Variants in CELSR1 observed in about 807,000 individuals in gnomAD.
The protein encoded by CELSR1 is cadherin EGF LAG seven-pass G-type receptor 1, also known as adhesion G protein-coupled receptor C1.
CELSR1 carries 110 observed loss-of-function variants against 249.1 expected under a neutral mutation model. The ratio of observed to expected loss-of-function variants is 0.44; its 90% CI spans 0.38 to 0.52. The LOEUF (loss-of-function observed/expected upper bound fraction) is 0.52. Ranked by LOEUF, CELSR1 falls within the 20% of genes least tolerant of loss-of-function variation. The pLI is 0.00. For synonymous variants in CELSR1, 2,113 were observed against 1,900.0 expected (o/e 1.11, Z -2.92); for missense variants, 4,109 against 4,296.4 (o/e 0.96, Z 1.22).
At chr22:46,369,664 C>G (rs537961722) in intron 26 of CELSR1, 28 bp downstream of exon 26, 5 of 1,598,596 alleles carry the variant, frequency 3.1e-6, no homozygotes, top group Non-Finnish European at 4.3e-6. Flanking sequence ...TTGGGGCACC[C>G]GGACTCCCGT....
intron 1 of CELSR1, among the ~76,000 whole-genome samples, chr22:46,469,350 G>A (rs771430770): frequency 2.0e-5 from 3 of 152,090 alleles, no homozygotes; most frequent in African/African-American, 4.8e-5. Flanking sequence ...GGGCCTTTGC[G>A]CATCTCCTGG....
Position 46,464,877 on chromosome 22 carries a change from C to A in CELSR1, c.3545-532G>T, listed in dbSNP as rs969236302. ...CCTGGCAAGCCCGCCCTGGTCCTGCCCAGGCGACATCCCCACCGACGTGCT... is the reference window on the plus strand; with the variant it reads ...CCTGGCAAGCCCGCCCTGGTCCTGCACAGGCGACATCCCCACCGACGTGCT... On this transcript the variant is annotated intron_variant, in intron 1 of 34. Transcript: ENST00000674500. This position sits in a 1 kb window ranked among gnomAD's most constrained non-coding sequence, Gnocchi z 8.5. Among the ~76,000 whole-genome samples, 3 of 152,130 alleles carry A rather than the reference C, an allele frequency of 2.0e-5. No homozygotes were observed. The highest frequency in any genetic ancestry group is 7.2e-5 in the African/African-American group (3 of 41,426).
rs35664137 is a variant in CELSR1, at chr22:46,400,951, C to CAAAA, written c.5227-1053_5227-1050dup. Among the ~76,000 whole-genome samples the CAAAA allele has an allele frequency of 5.3e-4, 74 of 138,600 alleles. 1 individual carries two copies. The highest frequency in any genetic ancestry group is 1.2e-3 in the African/African-American group (47 of 38,192). The allele number at this position is 138,600 out of a possible 152,430, so 90.9% of individuals were successfully genotyped here. On this transcript the variant is annotated intron_variant, in intron 9 of 34. Coordinates refer to ENST00000674500, the MANE Select transcript of CELSR1 (RefSeq NM_001378328.1). Reference sequence around the variant, plus strand: ...TGGGTGACAGAGTGAGAACCTGTCTCAAAAAAAAAAAAAGTATAGGCAAAG... The same window carrying CAAAA: ...TGGGTGACAGAGTGAGAACCTGTCTCAAAAAAAAAAAAAAAAAGTATAGGCAAAG...
intron 1 of CELSR1, among the ~76,000 whole-genome samples, chr22:46,508,249 C>T (rs916274669): frequency 2.6e-5 from 4 of 151,882 alleles, no homozygotes; most frequent in African/African-American, 9.7e-5. Context: ...CGCCAACTGG[C>T]CCCCGCGGGA....
rs546752270 is a variant in CELSR1 at position 46,456,641 on chromosome 22, C to A, written c.4183+7066G>T. ...TTGTGCCGCTGCACTTCAGCCTGGG[C>A]GACAGAGCGAGACTCTGTCTAAAAA... On this transcript the variant is annotated intron_variant, in intron 2 of 34. Transcript: ENST00000674500. 7.5e-4 allele frequency among the ~76,000 whole-genome samples: 85 copies of A among 113,554 alleles called. 2 individuals are homozygous for A. In the East Asian group the frequency reaches 0.022, roughly 29 times the overall value. The allele number at this position is 113,554 out of a possible 152,430, so 74.5% of individuals were successfully genotyped here.
At chr22:46,387,050 G>C (rs543630740) in intron 18 of CELSR1, among the ~76,000 whole-genome samples, 10 of 152,162 alleles carry the variant, frequency 6.6e-5, no homozygotes, top group African/African-American at 2.2e-4. Flanking sequence ...GAGCCACCAC[G>C]CCTGGCCTAG....
chr22:46,378,643 TGGCA>T lies in CELSR1; in HGVS notation c.7327_7330del (p.Cys2443SerfsTer25). ...CGCAAAGCTGGCTGTGTGGCTGCAC[TGGCA>T]GGCGACATGTGTCCGGTTCCTGGAC... On this transcript the variant is annotated frameshift_variant, in exon 23 of 35. Coordinates refer to ENST00000674500, the MANE Select transcript of CELSR1 (RefSeq NM_001378328.1). LOFTEE classifies it high-confidence loss of function. 6.2e-7 allele frequency: 1 copy of T among 1,606,250 alleles called. No individual in the cohort carries two copies. The highest frequency in any genetic ancestry group is 2.2e-5 in the East Asian group (1 of 44,642).
rs944545245 is a variant in CELSR1, at chr22:46,529,125, G to A, written c.3544+4502C>T. 7.3e-5 allele frequency among the ~76,000 whole-genome samples: 11 copies of A among 151,498 alleles called. No homozygotes were observed. The Middle Eastern group carries it at 0.01, about 141-fold the overall frequency. On this transcript the variant is annotated intron_variant, in intron 1 of 34. Transcript: ENST00000674500. The stretch of plus-strand genomic sequence containing the variant: ...CTAAAAATACAAAAAAATTAGCTGG[G>A]TGTGGTGGCGGGTACCTGTAGTCCC...
rs960931110 is a variant in CELSR1 at position 46,437,608 on chromosome 22, G to A, written c.4407-1319C>T. Among the ~76,000 whole-genome samples, 8 of 152,158 alleles carry A rather than the reference G, an allele frequency of 5.3e-5. No individual in the cohort carries two copies. The highest frequency in any genetic ancestry group is 6.8e-3 in the Middle Eastern group (2 of 294). Reference sequence around the variant, plus strand: ...TCTACTAAAAATACGAAAATTAGCCGGGCATGGTGGTGGGCACCTGTAATC... The same window carrying A: ...TCTACTAAAAATACGAAAATTAGCCAGGCATGGTGGTGGGCACCTGTAATC... On this transcript the variant is annotated intron_variant, in intron 3 of 34. Transcript: ENST00000674500. The surrounding 1 kb of genome is among the most constrained non-coding windows in gnomAD (Gnocchi z 4.9).
At chr22:46,367,651 C>A in intron 28 of CELSR1, 78 bp downstream of exon 28, 1 of 1,528,994 alleles carries the variant, frequency 6.5e-7, no homozygotes, top group South Asian at 1.2e-5. Context: ...ACCGCAGAGG[C>A]CTCCACTGCT....
intron 2 of CELSR1, among the ~76,000 whole-genome samples, chr22:46,460,207 A>ACACC (rs2080007628): frequency 1.1e-5 from 1 of 91,304 alleles, no homozygotes; most frequent in Non-Finnish European, 2.6e-5. Context: ...ACACACACAC[A>ACACC]CACACACACC....
chr22:46,519,723 C>T (rs1002352380), intron 1 of CELSR1, among the ~76,000 whole-genome samples: 5 of 152,150 alleles, frequency 3.3e-5, no homozygotes, highest in Non-Finnish European at 5.9e-5. Flanking sequence ...GCTCAGGTGC[C>T]GCCAGAAACA....
chr22:46,436,351 G>T lies in CELSR1; in HGVS notation c.4407-62C>A. 1 of 1,305,960 alleles carries T rather than the reference G, an allele frequency of 7.7e-7. No homozygotes were observed. The highest frequency in any genetic ancestry group is 1.1e-6 in the Non-Finnish European group (1 of 908,480). 80.9% of individuals were successfully genotyped at this position (1,305,960 alleles called of 1,614,324 possible). A position where few individuals can be genotyped will look rare whatever the true frequency, so the allele number is the denominator to read the frequency against. ...ACCCCAGGGTCCAAAGGCTGCCTAG[G>T]AATGACAAGTCCAGCCGGAGGAGGG... On this transcript the variant is annotated intron_variant, in intron 3 of 34. Coordinates refer to ENST00000674500, the MANE Select transcript of CELSR1 (RefSeq NM_001378328.1). This position sits in a 1 kb window ranked among gnomAD's most constrained non-coding sequence, Gnocchi z 5.9.
At chr22:46,498,291 CAAAAAAAAAAAAAA>C (rs757698564) in intron 1 of CELSR1, among the ~76,000 whole-genome samples, 1 of 11,314 alleles carries the variant, frequency 8.8e-5, no homozygotes, top group African/African-American at 4.2e-4. Flanking sequence ...AACTCTGTCT[CAAAAAAAAAAAAAA>C]AAAAAAAAAG....
intron 4 of CELSR1, among the ~76,000 whole-genome samples, chr22:46,435,831 G>T (rs1275394344): frequency 6.6e-6 from 1 of 152,132 alleles, no homozygotes; most frequent in African/African-American, 2.4e-5. Flanking sequence ...CTCCTGAGTA[G>T]CGGAGATTAC....
At chr22:46,431,846 G>GC (rs2079599503) in intron 5 of CELSR1, among the ~76,000 whole-genome samples, 2 of 152,192 alleles carry the variant, frequency 1.3e-5, no homozygotes, top group Non-Finnish European at 2.9e-5. Flanking sequence ...CTCTTGCTCA[G>GC]CCCTGAGCCC....
At position 46,381,700 on chromosome 22, in the gene CELSR1, G is replaced by A; in HGVS notation, c.7088+146C>T. 1 of 747,638 alleles carries A rather than the reference G, an allele frequency of 1.3e-6. No homozygotes were observed. Among genetic ancestry groups the A allele is most frequent in the Non-Finnish European group, 2.1e-6 (1 of 468,082 alleles). 46.3% of individuals were successfully genotyped at this position (747,638 alleles called of 1,614,324 possible). A position where few individuals can be genotyped will look rare whatever the true frequency, so the allele number is the denominator to read the frequency against. ...AATCTCCCTCCAAGGACCACCACAA[G>A]GCAATGGTCTCTGTCTCTGGGCCAG... On this transcript the variant is annotated intron_variant, in intron 21 of 34. Coordinates refer to ENST00000674500, the MANE Select transcript of CELSR1 (RefSeq NM_001378328.1). This position sits in a 1 kb window ranked among gnomAD's most constrained non-coding sequence, Gnocchi z 6.0.
chr22:46,439,818 C>T (rs563577760), intron 2 of CELSR1, among the ~76,000 whole-genome samples: 2 of 152,260 alleles, frequency 1.3e-5, no homozygotes, highest in South Asian at 2.1e-4. Context: ...CACCTATGCC[C>T]GTGCCACAGC....
rs1278302297 is a variant in CELSR1, at chr22:46,382,001, C to T, written c.6933G>A (p.Thr2311=). 33 of 1,563,146 alleles carry T rather than the reference C, an allele frequency of 2.1e-5. No individual in the cohort carries two copies. The highest frequency in any genetic ancestry group is 2.7e-5 in the Non-Finnish European group (31 of 1,156,210). The part of the protein sequence containing the change: ...PAGRRTTPQT[T]RPGPGTEREA... ...CCCTCTCGGTGCCAGGCCCCGGGCG[C>T]GTGGTCTGCGGGGTGGTCCTCCGGC... The change falls in exon 21 of 35, where the codon ACG becomes ACA. Residue 2311 remains threonine, a synonymous_variant. Coordinates refer to ENST00000674500, the MANE Select transcript of CELSR1 (RefSeq NM_001378328.1).
Sources: gnomAD v4.1 joint callset for allele counts (sites outside exome capture counted in the v4.1 genomes callset) on GRCh38, gnomAD v4.1.1 for gene constraint, Gnocchi (gnomAD v3.1) non-coding constraint, MANE v1.5 for transcripts, NCBI Gene and HGNC (gene_info 2026-07-23, HGNC 2026-07-21) for gene names.